DKK2: variants seen among roughly 807,000 people sequenced by gnomAD.
DKK2 encodes dickkopf Wnt signaling pathway inhibitor 2, also known as dickkopf-related protein 2.
Under a neutral mutation model 28.1 loss-of-function variants are expected in DKK2, and 11 were observed. The observed-to-expected ratio is 0.39, with a 90% CI of 0.25 to 0.65. DKK2 has a LOEUF of 0.65. DKK2 is among the 30% of genes least tolerant of loss of function. The probability of loss-of-function intolerance (pLI) is 0.47; values close to 1 mark genes in which losing one functional copy is unlikely to be tolerated. For synonymous variants in DKK2, 135 were observed against 126.5 expected (o/e 1.07, Z -0.45); for missense variants, 326 against 335.5 (o/e 0.97, Z 0.22).
intron 1 of DKK2, among the ~76,000 whole-genome samples, chr4:107,030,468 T>TA (rs35066809): frequency 6.6e-6 from 1 of 151,930 alleles, no homozygotes; most frequent in Non-Finnish European, 1.5e-5. Context: ...TTTGGACTGT[T>TA]AAAAAAAGGA....
intron 1 of DKK2, among the ~76,000 whole-genome samples, chr4:107,004,885 A>G (rs1723414154): frequency 1.3e-5 from 2 of 152,180 alleles, no homozygotes; most frequent in Non-Finnish European, 2.9e-5. Flanking sequence ...TCAACCTGCT[A>G]TCATTGACTT....
chr4:107,010,118 G>T (rs115911551), intron 1 of DKK2, among the ~76,000 whole-genome samples: 2 of 151,548 alleles, frequency 1.3e-5, no homozygotes, highest in East Asian at 1.9e-4. Context: ...TGAGTGATTT[G>T]ATTTGCCTAT....
intron 1 of DKK2, among the ~76,000 whole-genome samples, chr4:106,981,067 A>T (rs1466099162): frequency 6.6e-6 from 1 of 152,118 alleles, no homozygotes; most frequent in African/African-American, 2.4e-5. Context: ...AATTTTGCCC[A>T]CGTGTCATAT....
chr4:106,949,405 G>A (rs1724826179), intron 1 of DKK2, among the ~76,000 whole-genome samples: 1 of 151,984 alleles, frequency 6.6e-6, no homozygotes, highest in Admixed American at 6.6e-5. Context: ...TCTGTGGGTG[G>A]GTGGCTATTT....
At chr4:107,001,870 A>G (rs1383625313) in intron 1 of DKK2, among the ~76,000 whole-genome samples, 2 of 152,208 alleles carry the variant, frequency 1.3e-5, no homozygotes, top group Non-Finnish European at 2.9e-5. Flanking sequence ...AGAACAATAA[A>G]CATGTTGAAT....
At chr4:106,930,706 G>C (rs1009730926) in intron 1 of DKK2, among the ~76,000 whole-genome samples, 1 of 152,058 alleles carries the variant, frequency 6.6e-6, no homozygotes, top group Non-Finnish European at 1.5e-5. Flanking sequence ...TAACAATCTC[G>C]GAAGCTTTCT....
rs1434692627 is a variant in DKK2, at chr4:106,956,926, T to A, written c.223-30977A>T. Reference sequence around the variant, plus strand: ...TGGGATCTAATTAAACTAAAGAGCTTCTGCACAGCAAAAGAAACTACCATC... The same window carrying A: ...TGGGATCTAATTAAACTAAAGAGCTACTGCACAGCAAAAGAAACTACCATC... On this transcript the variant is annotated intron_variant, in intron 1 of 3. Coordinates refer to ENST00000285311, the MANE Select transcript of DKK2 (RefSeq NM_014421.3). 2.0e-5 allele frequency among the ~76,000 whole-genome samples: 3 copies of A among 150,890 alleles called. 1 individual carries two copies. Among genetic ancestry groups the A allele is most frequent in the African/African-American group, 4.9e-5 (2 of 40,964 alleles).
At chr4:106,984,947 C>T (rs1723094011) in intron 1 of DKK2, among the ~76,000 whole-genome samples, 1 of 152,152 alleles carries the variant, frequency 6.6e-6, no homozygotes, top group African/African-American at 2.4e-5. Flanking sequence ...CGGTGGCTCA[C>T]GCCTGTAATC....
chr4:106,955,280 A>G (rs1485204160), intron 1 of DKK2, among the ~76,000 whole-genome samples: 1 of 151,980 alleles, frequency 6.6e-6, no homozygotes, highest in Non-Finnish European at 1.5e-5. Flanking sequence ...CTCTCTTCTT[A>G]TCCATATTTT....
intron 1 of DKK2, among the ~76,000 whole-genome samples, chr4:106,967,360 AC>A (rs968538829): frequency 6.6e-6 from 1 of 152,156 alleles, no homozygotes; most frequent in Non-Finnish European, 1.5e-5. Flanking sequence ...CTCCAGCTAA[AC>A]CTGAAGGATA....
rs573136165 is a variant in DKK2 at position 106,991,460 on chromosome 4, C to T, written c.222+43910G>A. ...TGAGGTGATTCTTCCTAAGATACCA[C>T]ATTTTTTGTCATCCCATTAGTCAAG... is the stretch of plus-strand genomic sequence containing the variant. On this transcript the variant is annotated intron_variant, in intron 1 of 3. Transcript: ENST00000285311. 1.4e-4 allele frequency among the ~76,000 whole-genome samples: 21 copies of T among 152,248 alleles called. No individual in the cohort carries two copies. The East Asian group carries it at 1.7e-3, about 13-fold the overall frequency.
Position 106,924,621 on chromosome 4 carries a change from G to A in DKK2, c.453C>T (p.Asn151=). Residue 151 remains asparagine, a synonymous_variant, in exon 3 of 4, where the codon AAC becomes AAT. Coordinates refer to ENST00000285311, the MANE Select transcript of DKK2 (RefSeq NM_014421.3). ...AGTCATGGTTTGAGTAATGACCGTG[G>A]TTTCGATCTCTGTGCCGAGTACCAT... ...ALDGTRHRDR[N]HGHYSNHDLG... 1.9e-6 allele frequency: 3 copies of A among 1,613,928 alleles called. No homozygotes were observed. The highest frequency in any genetic ancestry group is 2.5e-6 in the Non-Finnish European group (3 of 1,179,874).
intron 1 of DKK2, among the ~76,000 whole-genome samples, chr4:106,968,543 C>T (rs1722817279): frequency 6.6e-6 from 1 of 152,022 alleles, no homozygotes; most frequent in African/African-American, 2.4e-5. Flanking sequence ...TCATTAGATT[C>T]CAAGTAAGAA....
At chr4:106,929,327 T>C (rs570325053) in intron 1 of DKK2, among the ~76,000 whole-genome samples, 1 of 152,278 alleles carries the variant, frequency 6.6e-6, no homozygotes, top group Admixed American at 6.5e-5. Flanking sequence ...TGAGGAACAA[T>C]GATTGTGTGG....
At chr4:106,956,635 A>T (rs1489363686) in intron 1 of DKK2, among the ~76,000 whole-genome samples, 1 of 152,202 alleles carries the variant, frequency 6.6e-6, no homozygotes, top group African/African-American at 2.4e-5. Flanking sequence ...AAACCTGAGA[A>T]AAACAAGCAA....
intron 1 of DKK2, among the ~76,000 whole-genome samples, chr4:106,946,120 A>G (rs1182426319): frequency 6.6e-6 from 1 of 152,178 alleles, no homozygotes; most frequent in Admixed American, 6.6e-5. Flanking sequence ...CATTTTACAA[A>G]TGAATAAAGA....
At chr4:107,023,870 T>G (rs1222676948) in intron 1 of DKK2, among the ~76,000 whole-genome samples, 3 of 152,162 alleles carry the variant, frequency 2.0e-5, no homozygotes, top group East Asian at 3.8e-4. Flanking sequence ...ATTTTGCCCT[T>G]ATATTATTAT....
At chr4:107,005,008 T>C (rs1723415485) in intron 1 of DKK2, among the ~76,000 whole-genome samples, 1 of 152,150 alleles carries the variant, frequency 6.6e-6, no homozygotes, top group Non-Finnish European at 1.5e-5. Flanking sequence ...AACTCAGCCC[T>C]ACTGACACCT....
chr4:107,029,717 G>A (rs1723847637), intron 1 of DKK2, among the ~76,000 whole-genome samples: 1 of 152,048 alleles, frequency 6.6e-6, no homozygotes, highest in Non-Finnish European at 1.5e-5. Flanking sequence ...ACTTTGAGAA[G>A]TCATTTTCCC....
Sources: allele counts gnomAD v4.1 joint callset (sites outside exome capture counted in the v4.1 genomes callset), GRCh38; gene constraint gnomAD v4.1.1; transcripts MANE v1.5; gene names NCBI Gene and HGNC (gene_info 2026-07-23, HGNC 2026-07-21).